ADAMTS7: variants seen among roughly 807,000 people sequenced by gnomAD.
ADAMTS7 encodes the protein ADAM metallopeptidase with thrombospondin type 1 motif 7.
Under a neutral mutation model 172.6 loss-of-function variants are expected in ADAMTS7, and 89 were observed. The observed-to-expected ratio is 0.52, with a 90% CI of 0.43 to 0.61. The LOEUF is 0.61. Ranked by LOEUF, ADAMTS7 falls within the 20% of genes least tolerant of loss-of-function variation. The probability of loss-of-function intolerance (pLI) is 0.00; values close to 1 mark genes in which losing one functional copy is unlikely to be tolerated. For missense variants in ADAMTS7, 1,973 were observed against 2,355.6 expected (o/e 0.84, Z 3.36); for synonymous variants, 885 against 978.4 (o/e 0.90, Z 1.78).
At chr15:78,768,025 GGGGGTGGGGAGTTGGCGGGGGAT>G (rs1344542331) in intron 17 of ADAMTS7, 85 bp downstream of exon 17, 18,097 of 743,078 alleles carry the variant, frequency 0.024, 438 homozygotes, top group Non-Finnish European at 0.026. Flanking sequence ...CAGGATGCCT[GGGGGTGGGGAGTTGGCGGGGGAT>G]GGGGTGGGGA....
intron 1 of ADAMTS7, among the ~76,000 whole-genome samples, chr15:78,805,967 C>T (rs890727269): frequency 1.3e-5 from 2 of 151,544 alleles, no homozygotes; most frequent in African/African-American, 4.9e-5. Context: ...ATAGTCTCAG[C>T]TACTCCGGAG....
intron 1 of ADAMTS7, among the ~76,000 whole-genome samples, chr15:78,804,614 G>A (rs997930307): frequency 2.0e-5 from 3 of 151,872 alleles, no homozygotes; most frequent in African/African-American, 7.3e-5. Context: ...ACTGCACGTA[G>A]AGTGCCCTGC....
intron 1 of ADAMTS7, chr15:78,810,907 G>C: frequency 4.7e-6 from 2 of 428,098 alleles, no homozygotes; most frequent in Non-Finnish European, 3.9e-6. Context: ...ACTGAATCAG[G>C]GGCCGAGGAA....
At chr15:78,789,861 T>C in intron 6 of ADAMTS7, 23 bp from the exon 7 acceptor site, 1 of 1,562,712 alleles carries the variant, frequency 6.4e-7, no homozygotes, top group South Asian at 1.2e-5. Flanking sequence ...AGAAGCAGCC[T>C]TCAGGCTAAC....
At chr15:78,760,059 C>T (rs1304638077) in intron 23 of ADAMTS7, among the ~76,000 whole-genome samples, 1 of 151,532 alleles carries the variant, frequency 6.6e-6, no homozygotes, top group Non-Finnish European at 1.5e-5. Context: ...CCTCCAGCCA[C>T]AGGGGCTGTA....
intron 22 of ADAMTS7, among the ~76,000 whole-genome samples, chr15:78,763,456 C>A (rs895746478): frequency 1.2e-4 from 19 of 152,258 alleles, no homozygotes; most frequent in Non-Finnish European, 2.9e-5. Flanking sequence ...ACTGACTCCT[C>A]CCTCGGGTCT....
In ADAMTS7 at chr15:78,766,254, C is replaced by T. The variant is rs1323306626; in HGVS notation, c.3657G>A (p.Lys1219=). Residue 1219 remains lysine, a synonymous_variant, in exon 19 of 24, where the codon AAG becomes AAA. Transcript: ENST00000388820. ...CTCGGCCCTTGGGTTCCTCATCATC[C>T]TTGAAAACCTCATTGGTCCTGTCCC... ...PWRDRTNEVF[K]DDEEPKGRGA... 3.7e-6 allele frequency: 6 copies of T among 1,611,628 alleles called. No homozygotes were observed. Among genetic ancestry groups the T allele is most frequent in the Non-Finnish European group, 5.1e-6 (6 of 1,179,754 alleles).
At chr15:78,761,643 C>A (rs796800230) in intron 23 of ADAMTS7, among the ~76,000 whole-genome samples, 11 of 152,324 alleles carry the variant, frequency 7.2e-5, no homozygotes, top group African/African-American at 2.2e-4. Flanking sequence ...GTGAGGGGAG[C>A]CTAGGTGACA....
intron 1 of ADAMTS7, among the ~76,000 whole-genome samples, chr15:78,804,350 T>G (rs1314894178): frequency 6.6e-6 from 1 of 152,234 alleles, no homozygotes; most frequent in East Asian, 1.9e-4. Context: ...CTTTCCCCCC[T>G]CTTTTCCCTC....
chr15:78,776,103 G>A, intron 11 of ADAMTS7, 85 bp downstream of exon 11: 8 of 1,465,940 alleles, frequency 5.5e-6, no homozygotes, highest in Non-Finnish European at 7.3e-6. Flanking sequence ...GCCAGGGGCT[G>A]GGACAGAGCC....
rs181208336 is a variant in ADAMTS7, at chr15:78,770,898, G to C, written c.2518+264C>G. On this transcript the variant is annotated intron_variant, in intron 16 of 23. Coordinates refer to ENST00000388820, the MANE Select transcript of ADAMTS7 (RefSeq NM_014272.5). ...GACTGGTCTATCGAGGGGGAGCTGT[G>C]TCCCCTGGAGGGAGAACGCCAAGAG... The C allele has an allele frequency of 1.2e-3, 636 of 515,882 alleles. 9 individuals carry two copies. The East Asian group carries it at 0.019, about 16-fold the overall frequency. 32.0% of individuals were successfully genotyped at this position (515,882 alleles called of 1,614,324 possible). A position where few individuals can be genotyped will look rare whatever the true frequency, so the allele number is the denominator to read the frequency against.
chr15:78,762,853 C>A (rs1421277902), intron 22 of ADAMTS7, among the ~76,000 whole-genome samples: 1 of 152,214 alleles, frequency 6.6e-6, no homozygotes, highest in Admixed American at 6.5e-5. Context: ...ACAGGACATG[C>A]CTGAGAAGCC....
chr15:78,809,670 G>A (rs1289602426), intron 1 of ADAMTS7, among the ~76,000 whole-genome samples: 2 of 152,204 alleles, frequency 1.3e-5, no homozygotes, highest in African/African-American at 4.8e-5. Flanking sequence ...CTGCCAGGGG[G>A]CCAGGACCCA....
At position 78,766,639 on chromosome 15, in the gene ADAMTS7, G is replaced by A. The variant is rs1596174408; in HGVS notation, c.3272C>T (p.Thr1091Ile). 6.2e-7 allele frequency: 1 copy of A among 1,610,106 alleles called. No homozygotes were observed. Among genetic ancestry groups the A allele is most frequent in the Non-Finnish European group, 8.5e-7 (1 of 1,179,410 alleles). ...GTGTGGTGGGGGTGTCCGGTCCCCT[G>A]TCCCCGCCAGGTCTAGATCGGGCTC... ...SEEPDLDLAG[T>I]GDRTPPPHSH... Residue 1091 changes from threonine (T) to isoleucine (I), a missense_variant, in exon 19 of 24, where the codon ACA (threonine) becomes ATA (isoleucine). Around this residue, in one of 8 missense-constraint regions of ADAMTS7, gnomAD observed 771 missense variants for 952.6 expected, o/e 0.81. Transcript: ENST00000388820.
chr15:78,776,363 C>A (rs769014986), intron 10 of ADAMTS7, 30 bp from the exon 11 acceptor site: 11 of 1,600,488 alleles, frequency 6.9e-6, no homozygotes, highest in Non-Finnish European at 9.4e-6. Context: ...TAGAGCCACC[C>A]CACCCCCAAG....
intron 6 of ADAMTS7, among the ~76,000 whole-genome samples, chr15:78,790,333 GAGATCTGAGTA>G: frequency 6.6e-6 from 1 of 152,186 alleles, no homozygotes; most frequent in Admixed American, 6.5e-5. Context: ...TGGAACTGAT[GAGATCTGAGTA>G]AGTCTGTGGA....
At chr15:78,786,490 C>G (rs1164987976) in intron 8 of ADAMTS7, among the ~76,000 whole-genome samples, 1 of 152,180 alleles carries the variant, frequency 6.6e-6, no homozygotes, top group Non-Finnish European at 1.5e-5. Context: ...TTGAACCAGA[C>G]TTACTTCAAA....
rs577721989 is a variant in ADAMTS7, at chr15:78,802,975, C to T, written c.101-2428G>A. On this transcript the variant is annotated intron_variant, in intron 1 of 23. Transcript: ENST00000388820. Reference sequence around the variant, plus strand: ...TCGCATCACTGCACTCCAGCCTGGGCGACAGAGTGAGACCCTGCCACAAAA... The same window carrying T: ...TCGCATCACTGCACTCCAGCCTGGGTGACAGAGTGAGACCCTGCCACAAAA... Among the ~76,000 whole-genome samples, 25 of 150,974 alleles carry T rather than the reference C, an allele frequency of 1.7e-4. No individual in the cohort carries two copies. The South Asian group carries it at 4.4e-3, about 27-fold the overall frequency.
intron 14 of ADAMTS7, among the ~76,000 whole-genome samples, chr15:78,772,273 G>A (rs1034865891): frequency 8.5e-5 from 13 of 152,196 alleles, no homozygotes; most frequent in African/African-American, 3.1e-4. Flanking sequence ...TGGCCCTATA[G>A]CATAGGTACT....
Sources: gnomAD v4.1 joint callset for allele counts (sites outside exome capture counted in the v4.1 genomes callset) on GRCh38, gnomAD v4.1.1 for gene constraint, gnomAD v4.1.1 regional missense constraint, MANE v1.5 for transcripts, NCBI Gene and HGNC (gene_info 2026-07-23, HGNC 2026-07-21) for gene names.